Variants in FHOD3 observed in about 807,000 individuals in gnomAD.
The protein encoded by FHOD3 is formin homology 2 domain containing 3.
FHOD3 carries 90 observed loss-of-function variants against 173.0 expected under a neutral mutation model. That is an observed-to-expected ratio of 0.52 (90% CI 0.44 to 0.62). FHOD3 has a LOEUF of 0.62. FHOD3 is among the 20% of genes least tolerant of loss of function. FHOD3 has a pLI of 0.00. For missense variants in FHOD3, 1,945 were observed against 2,034.7 expected (o/e 0.96, Z 0.85); for synonymous variants, 828 against 823.0 (o/e 1.01, Z -0.10).
chr18:36,640,905 G>A (rs1263820334), intron 10 of FHOD3, among the ~76,000 whole-genome samples: 1 of 152,208 alleles, frequency 6.6e-6, no homozygotes, highest in Non-Finnish European at 1.5e-5. Context: ...GTTTCATGGG[G>A]TAGCCTGGCA....
chr18:36,425,350 C>T (rs375015809), intron 3 of FHOD3, among the ~76,000 whole-genome samples: 1 of 152,036 alleles, frequency 6.6e-6, no homozygotes, highest in South Asian at 2.1e-4. Flanking sequence ...AAAGAGGGAC[C>T]GCTATATTAT....
intron 3 of FHOD3, among the ~76,000 whole-genome samples, chr18:36,418,127 C>T (rs1238826786): frequency 6.6e-6 from 1 of 152,220 alleles, no homozygotes; most frequent in African/African-American, 2.4e-5. Flanking sequence ...TGCTGACACT[C>T]TTGCCCCTTC....
intron 14 of FHOD3, among the ~76,000 whole-genome samples, chr18:36,672,607 A>C (rs2037604026): frequency 6.6e-6 from 1 of 152,192 alleles, no homozygotes; most frequent in African/African-American, 2.4e-5. Context: ...GCTTGAATCG[A>C]ATCATATTTC....
intron 3 of FHOD3, among the ~76,000 whole-genome samples, chr18:36,418,540 T>G (rs1359039058): frequency 1.3e-5 from 2 of 152,178 alleles, no homozygotes; most frequent in East Asian, 3.8e-4. Flanking sequence ...AAAGTGTGTG[T>G]GGAAGGCACA....
intron 20 of FHOD3, among the ~76,000 whole-genome samples, chr18:36,735,234 A>G (rs2041570758): frequency 6.6e-6 from 1 of 152,174 alleles, no homozygotes; most frequent in Non-Finnish European, 1.5e-5. Flanking sequence ...GCCACAGATA[A>G]AAAATGACAG....
At chr18:36,309,678 A>G (rs1467008604) in intron 1 of FHOD3, among the ~76,000 whole-genome samples, 1 of 152,168 alleles carries the variant, frequency 6.6e-6, no homozygotes, top group Non-Finnish European at 1.5e-5. Context: ...CTGCTCCTCC[A>G]TCCAACCTCA....
rs183583515 is a variant in FHOD3, at chr18:36,717,685, C to T, written c.2534-147C>T. The T allele has an allele frequency of 1.1e-3, 1,392 of 1,312,704 alleles. 41 individuals carry two copies. The Admixed American group carries it at 0.037, about 35-fold the overall frequency. The allele number at this position is 1,312,704 out of a possible 1,614,324, so 81.3% of individuals were successfully genotyped here. ...AGCAGCATCTCTTCTTGCCCAAGAG[C>T]GCCTTGTCAGCCACGGCTTTGACTG... On this transcript the variant is annotated intron_variant, in intron 18 of 28. Transcript: ENST00000590592.
intron 24 of FHOD3, among the ~76,000 whole-genome samples, chr18:36,750,317 G>A (rs2042349857): frequency 2.0e-5 from 3 of 152,274 alleles, no homozygotes; most frequent in South Asian, 2.1e-4. Flanking sequence ...CATGTCCTTT[G>A]CCCACTTTTA....
chr18:36,664,169 T>C (rs1320436903), intron 14 of FHOD3, among the ~76,000 whole-genome samples: 1 of 152,206 alleles, frequency 6.6e-6, no homozygotes, highest in Non-Finnish European at 1.5e-5. Flanking sequence ...TTGATTAAAG[T>C]ACATTTTTAA....
At chr18:36,404,072 C>G (rs10164050) in intron 3 of FHOD3, among the ~76,000 whole-genome samples, 35,018 of 152,156 alleles carry the variant, frequency 0.23, 4,575 homozygotes, top group East Asian at 0.67. Flanking sequence ...AGGTAACTTA[C>G]GTTCTCCTCT....
In FHOD3 at chr18:36,430,482, G is replaced by T. The variant is rs914988774; in HGVS notation, c.337+57738G>T. 3.3e-5 allele frequency among the ~76,000 whole-genome samples: 5 copies of T among 152,200 alleles called. No homozygotes were observed. In the South Asian group the frequency reaches 1.0e-3, roughly 31 times the overall value. On this transcript the variant is annotated intron_variant, in intron 3 of 28. Transcript: ENST00000590592. The stretch of plus-strand genomic sequence containing the variant: ...CCGCCTGCCTCGGCCTCCCAAAAGT[G>T]CTGGGATTACAGGCGTGAGCCACCG...
At chr18:36,351,278 G>A (rs1046801907) in intron 1 of FHOD3, among the ~76,000 whole-genome samples, 4 of 152,150 alleles carry the variant, frequency 2.6e-5, no homozygotes, top group Non-Finnish European at 2.9e-5. Context: ...TAGCACAAAT[G>A]GGATGGGCCT....
rs140443288 is a variant in FHOD3 at position 36,709,294 on chromosome 18, C to T, written c.2436C>T (p.Asn812=). The part of the protein sequence containing the change: ...SEKERQNEGV[N]ERDNCSASSV... Reference sequence around the variant, plus strand: ...AAGAGAGGCAGAACGAGGGGGTGAACGAGAGGGACAACTGCTCTGCCTCCA... The same window carrying T: ...AAGAGAGGCAGAACGAGGGGGTGAATGAGAGGGACAACTGCTCTGCCTCCA... The change falls in exon 18 of 29, where the codon AAC becomes AAT. Residue 812 remains asparagine (N), a synonymous_variant. Coordinates refer to ENST00000590592, the MANE Select transcript of FHOD3 (RefSeq NM_001281740.3). 2.5e-5 allele frequency: 41 copies of T among 1,614,198 alleles called. No individual in the cohort carries two copies. Among genetic ancestry groups the T allele is most frequent in the Admixed American group, 2.3e-4 (14 of 60,024 alleles).
chr18:36,306,248 C>T (rs568445189), intron 1 of FHOD3, among the ~76,000 whole-genome samples: 84 of 152,200 alleles, frequency 5.5e-4, no homozygotes, highest in African/African-American at 1.9e-3. Context: ...GTGGAGGGCT[C>T]GGAGCACAGT....
At chr18:36,730,888 C>T in intron 20 of FHOD3, 84 bp downstream of exon 20, 1 of 1,402,110 alleles carries the variant, frequency 7.1e-7, no homozygotes, top group South Asian at 1.4e-5. Flanking sequence ...TTCAAAAGAT[C>T]CATGGTGCCT....
chr18:36,640,928 G>T (rs1464319663), intron 10 of FHOD3, among the ~76,000 whole-genome samples: 2 of 152,184 alleles, frequency 1.3e-5, no homozygotes, highest in Non-Finnish European at 2.9e-5. Context: ...TTATAAAGGA[G>T]TCTGGCCTGG....
chr18:36,446,868 T>C (rs2051513751), intron 3 of FHOD3, among the ~76,000 whole-genome samples: 1 of 152,102 alleles, frequency 6.6e-6, no homozygotes, highest in African/African-American at 2.4e-5. Context: ...TGTCTGGCCT[T>C]TAATCTCCTT....
intron 6 of FHOD3, among the ~76,000 whole-genome samples, chr18:36,592,632 G>C (rs980503105): frequency 6.6e-6 from 1 of 152,206 alleles, no homozygotes; most frequent in Admixed American, 6.5e-5. Flanking sequence ...ATGGACTTCA[G>C]AAGGACCAGG....
intron 5 of FHOD3, among the ~76,000 whole-genome samples, chr18:36,530,076 C>T (rs571760281): frequency 2.6e-5 from 4 of 152,220 alleles, no homozygotes; most frequent in South Asian, 4.2e-4. Flanking sequence ...CATTTACATT[C>T]GAGGTGGAAG....
Sources: gnomAD v4.1 joint callset for allele counts (sites outside exome capture counted in the v4.1 genomes callset) on GRCh38, gnomAD v4.1.1 for gene constraint, MANE v1.5 for transcripts, NCBI Gene and HGNC (gene_info 2026-07-23, HGNC 2026-07-21) for gene names.